The following GTF2A2 variants were observed in gnomAD, a reference collection of about 807,000 sequenced individuals.
GTF2A2 encodes general transcription factor IIA subunit 2.
A neutral mutation model predicts 14.3 loss-of-function variants in GTF2A2; 9 were observed. The ratio of observed to expected loss-of-function variants is 0.63; its 90% CI spans 0.38 to 1.10. The LOEUF is 1.10. Ranked by LOEUF, GTF2A2 falls within the 50% of genes least tolerant of loss-of-function variation. The pLI is 0.01. For missense variants in GTF2A2, 90 were observed against 124.6 expected, an observed-to-expected ratio of 0.72 and a Z score of 1.32; for synonymous variants, 56 against 46.0, an observed-to-expected ratio of 1.22 and a Z score of -0.88.
Position 59,638,419 on chromosome 15 carries a change from G to T in GTF2A2, c.*713C>A, listed in dbSNP as rs1415356917. On this transcript the variant is annotated 3_prime_UTR_variant, in exon 5 of 5. Transcript: ENST00000396060. ...AAAAGTCTAATAATTAGACTTTATTGTAAGTCTAATGTATCTTGTACATGA... is the reference window on the plus strand; with the variant it reads ...AAAAGTCTAATAATTAGACTTTATTTTAAGTCTAATGTATCTTGTACATGA... 1.4e-5 allele frequency: 2 copies of T among 147,646 alleles called. No individual in the cohort carries two copies. Among genetic ancestry groups the T allele is most frequent in the African/African-American group, 4.9e-5 (2 of 40,940 alleles). The allele number at this position is 147,646 out of a possible 1,614,324, so 9.1% of individuals were successfully genotyped here. A position where few individuals can be genotyped will look rare whatever the true frequency, so the allele number is the denominator to read the frequency against.
At position 59,638,822 on chromosome 15, in the gene GTF2A2, T is replaced by TAA; in HGVS notation, c.*308_*309dup. The stretch of plus-strand genomic sequence containing the variant: ...AAAGGAAATGGGAAAATGCATTATC[T>TAA]AATATCTTCATATTGCTACCTTAAT... On this transcript the variant is annotated 3_prime_UTR_variant, in exon 5 of 5. Coordinates refer to ENST00000396060, the MANE Select transcript of GTF2A2 (RefSeq NM_004492.3). 3.9e-6 allele frequency: 1 copy of TAA among 256,906 alleles called. No homozygotes were observed. The highest frequency in any genetic ancestry group is 6.3e-5 in the South Asian group (1 of 15,850). The allele number at this position is 256,906 out of a possible 1,614,324, so 15.9% of individuals were successfully genotyped here.
intron 3 of GTF2A2, among the ~76,000 whole-genome samples, chr15:59,650,287 C>T (rs553572883): frequency 1.6e-4 from 25 of 152,278 alleles, no homozygotes; most frequent in African/African-American, 5.1e-4. Flanking sequence ...AACTCTACTT[C>T]CCTGGAACGG....
At chr15:59,646,140 T>A (rs1182383040) in intron 3 of GTF2A2, among the ~76,000 whole-genome samples, 3 of 152,020 alleles carry the variant, frequency 2.0e-5, no homozygotes, top group African/African-American at 7.2e-5. Flanking sequence ...CACTGCAACC[T>A]CCACCACCTG....
intron 3 of GTF2A2, chr15:59,644,289 A>G (rs1025955326): frequency 1.3e-5 from 2 of 152,256 alleles, no homozygotes; most frequent in African/African-American, 4.8e-5. Context: ...ATATAGTCAC[A>G]TAGGAAATTT....
chr15:59,641,186 T>C (rs1343078889), intron 4 of GTF2A2, among the ~76,000 whole-genome samples: 7 of 30,146 alleles, frequency 2.3e-4, no homozygotes, highest in African/African-American at 4.4e-4. Context: ...AGACTCTTTT[T>C]TTTTTTTTTT....
intron 3 of GTF2A2, among the ~76,000 whole-genome samples, chr15:59,649,833 AAC>A (rs1485146535): frequency 1.2e-4 from 19 of 152,198 alleles, no homozygotes. Flanking sequence ...CTGGTATGTT[AAC>A]AGACACTCAA....
At chr15:59,654,211 T>C (rs1249448028) in intron 1 of GTF2A2, among the ~76,000 whole-genome samples, 3 of 152,154 alleles carry the variant, frequency 2.0e-5, no homozygotes, top group East Asian at 3.9e-4. Flanking sequence ...GGAAGGCCTA[T>C]GTGATTTGGG....
chr15:59,639,250 C>G, intron 4 of GTF2A2, 93 bp from the exon 5 acceptor site: 1 of 793,196 alleles, frequency 1.3e-6, no homozygotes, highest in Non-Finnish European at 2.3e-6. Flanking sequence ...AATGAGAACA[C>G]AGGACTAATA....
chr15:59,652,704 C>A (rs1248780682), intron 1 of GTF2A2, among the ~76,000 whole-genome samples: 1 of 152,074 alleles, frequency 6.6e-6, no homozygotes. Flanking sequence ...CCTTTATTTT[C>A]CTGTTCTCTC....
Position 59,642,181 on chromosome 15 carries a change from G to C in GTF2A2, c.259C>G (p.Leu87Val). Reference sequence around the variant, plus strand: ...ATTTTCACTTTATCCACTTTAATAAGTTCTGTCACCTCTCTGAATTCAACA... The same window carrying C: ...ATTTTCACTTTATCCACTTTAATAACTTCTGTCACCTCTCTGAATTCAACA... ...NDVEFREVTELIKVDKVKIVA... is the reference protein window; with the variant it reads ...NDVEFREVTEVIKVDKVKIVA... Residue 87 changes from leucine to valine, a missense_variant, in exon 4 of 5, where the codon CTT (leucine) becomes GTT (valine). Transcript: ENST00000396060. 6.2e-7 allele frequency: 1 copy of C among 1,609,910 alleles called. No homozygotes were observed. The highest frequency in any genetic ancestry group is 8.5e-7 in the Non-Finnish European group (1 of 1,177,806).
intron 3 of GTF2A2, among the ~76,000 whole-genome samples, chr15:59,647,681 C>T (rs563426964): frequency 1.3e-5 from 2 of 152,130 alleles, no homozygotes; most frequent in South Asian, 2.1e-4. Flanking sequence ...TGGATTCAAG[C>T]GATTCTCCCG....
chr15:59,638,255 G>A lies in GTF2A2; in HGVS notation c.*877C>T, dbSNP rs1053196809. On this transcript the variant is annotated 3_prime_UTR_variant, in exon 5 of 5. Transcript: ENST00000396060. ...GTCAAGGACTACAGTGGCATGCTGA[G>A]GTAACAACTGCAGGAGCATCGAGGT... is the stretch of plus-strand genomic sequence containing the variant. 6.6e-6 allele frequency: 1 copy of A among 152,032 alleles called. No individual in the cohort carries two copies. Among genetic ancestry groups the A allele is most frequent in the African/African-American group, 2.4e-5 (1 of 41,334 alleles). 9.4% of individuals were successfully genotyped at this position (152,032 alleles called of 1,614,324 possible).
rs1891253037 is a variant in GTF2A2, at chr15:59,638,405, A to C, written c.*727T>G. 1 of 151,608 alleles carries C rather than the reference A, an allele frequency of 6.6e-6. No individual in the cohort carries two copies. The allele number at this position is 151,608 out of a possible 1,614,324, so 9.4% of individuals were successfully genotyped here. On this transcript the variant is annotated 3_prime_UTR_variant, in exon 5 of 5. Transcript: ENST00000396060. ...CAATCCACTGACATAAAAGTCTAAT[A>C]ATTAGACTTTATTGTAAGTCTAATG...
At chr15:59,647,076 G>A (rs1255730076) in intron 3 of GTF2A2, among the ~76,000 whole-genome samples, 3 of 151,428 alleles carry the variant, frequency 2.0e-5, no homozygotes, top group African/African-American at 4.9e-5. Flanking sequence ...TAATTTATAT[G>A]CGTTTATACA....
chr15:59,639,002 C>A lies in GTF2A2; in HGVS notation c.*130G>T, dbSNP rs1421410787. 4 of 649,498 alleles carry A rather than the reference C, an allele frequency of 6.2e-6. No individual in the cohort carries two copies. In the Admixed American group the frequency reaches 1.1e-4, roughly 18 times the overall value. The allele number at this position is 649,498 out of a possible 1,614,324, so 40.2% of individuals were successfully genotyped here. A position where few individuals can be genotyped will look rare whatever the true frequency, so the allele number is the denominator to read the frequency against. On this transcript the variant is annotated 3_prime_UTR_variant, in exon 5 of 5. Coordinates refer to ENST00000396060, the MANE Select transcript of GTF2A2 (RefSeq NM_004492.3). ...CTACAGAGTTACAAGTTTCTTTCTACTGGAATTCTCTGGTATAGCACAGTG... is the reference window on the plus strand; with the variant it reads ...CTACAGAGTTACAAGTTTCTTTCTAATGGAATTCTCTGGTATAGCACAGTG...
At chr15:59,655,983 TA>T (rs1360513919) in intron 1 of GTF2A2, among the ~76,000 whole-genome samples, 1 of 152,162 alleles carries the variant, frequency 6.6e-6, no homozygotes, top group Non-Finnish European at 1.5e-5. Flanking sequence ...AAAAATCTCC[TA>T]AATGATTTCC....
At position 59,639,177 on chromosome 15, in the gene GTF2A2, GT is replaced by G. The variant is rs1555393742; in HGVS notation, c.305-21del. On this transcript the variant is annotated intron_variant, in intron 4 of 4. Transcript: ENST00000396060. ...CAGTATCTAGGAAACAAAAGAGAAA[GT>G]AAAGTAAAGTAAATTCAAGGAGCAA... The G allele has an allele frequency of 8.3e-7, 1 of 1,209,816 alleles. No homozygotes were observed. Among genetic ancestry groups the G allele is most frequent in the Non-Finnish European group, 1.1e-6 (1 of 890,350 alleles). 74.9% of individuals were successfully genotyped at this position (1,209,816 alleles called of 1,614,324 possible).
At chr15:59,654,591 G>A (rs1891888997) in intron 1 of GTF2A2, among the ~76,000 whole-genome samples, 1 of 152,122 alleles carries the variant, frequency 6.6e-6, no homozygotes, top group Non-Finnish European at 1.5e-5. Context: ...AGGGACTTCT[G>A]TTCATTTACA....
chr15:59,640,976 T>C (rs1891400741), intron 4 of GTF2A2, among the ~76,000 whole-genome samples: 2 of 152,180 alleles, frequency 1.3e-5, no homozygotes, highest in Non-Finnish European at 2.9e-5. Context: ...TCCCCAACAA[T>C]AACGCTGCTA....
Sources: allele counts gnomAD v4.1 joint callset (sites outside exome capture counted in the v4.1 genomes callset), GRCh38; gene constraint gnomAD v4.1.1; transcripts MANE v1.5; gene names NCBI Gene and HGNC (gene_info 2026-07-23, HGNC 2026-07-21).